Variants in THOC1 observed in about 807,000 individuals in gnomAD.
The protein encoded by THOC1 is THO complex 1.
In THOC1, 29 loss-of-function variants were observed where a neutral mutation model predicts 97.3. The observed-to-expected ratio is 0.30, with a 90% CI of 0.22 to 0.41. The LOEUF (loss-of-function observed/expected upper bound fraction) is 0.41, where lower values mean the gene tolerates loss of function less well. THOC1 is among the 10% of genes least tolerant of loss of function. The pLI is 1.00. For synonymous variants in THOC1, 255 were observed against 257.0 expected, an observed-to-expected ratio of 0.99 and a Z score of 0.07; for missense variants, 529 against 761.9, an observed-to-expected ratio of 0.69 and a Z score of 3.60.
At chr18:224,274 T>TC in intron 15 of THOC1, 95 bp from the exon 16 acceptor site, 2 of 1,029,194 alleles carry the variant, frequency 1.9e-6, no homozygotes, top group South Asian at 2.9e-5. Flanking sequence ...GTTATTGTTT[T>TC]CCTCTTAAAA....
At chr18:227,413 A>G (rs1250914706) in intron 11 of THOC1, among the ~76,000 whole-genome samples, 3 of 152,184 alleles carry the variant, frequency 2.0e-5, no homozygotes, top group African/African-American at 7.2e-5. Context: ...CACAATATCA[A>G]CGGGGACCAC....
chr18:258,931 TTTCAGTGTGA>T (rs1289004872), intron 7 of THOC1, among the ~76,000 whole-genome samples: 5 of 152,124 alleles, frequency 3.3e-5, no homozygotes, highest in Non-Finnish European at 7.4e-5. Flanking sequence ...TATCTACATG[TTTCAGTGTGA>T]TTCAACTTTA....
Position 265,328 on chromosome 18 carries a change from A to T in THOC1, c.164T>A (p.Phe55Tyr). ...NEKKCTLDQA[F>Y]RGILEEEIIN... ...AATTTCTTCTTCTAGAATACCTCTG[A>T]AAGCTTGGTCAAGGGTACATTTTTT... The change falls in exon 3 of 21, where the codon TTC (phenylalanine) becomes TAC (tyrosine). Residue 55 changes from phenylalanine to tyrosine, a missense_variant. Coordinates refer to ENST00000261600, the MANE Select transcript of THOC1 (RefSeq NM_005131.3). 6.2e-7 allele frequency: 1 copy of T among 1,602,610 alleles called. No individual in the cohort carries two copies. The highest frequency in any genetic ancestry group is 8.5e-7 in the Non-Finnish European group (1 of 1,176,620).
chr18:224,164 T>C lies in THOC1; in HGVS notation c.1224A>G (p.Lys408=), dbSNP rs543871319. ...TTCTCTTCCGAATTATTCTCGTAGGTTTGGTATCTGATGTTCTGTCGTGAA... is the reference window on the plus strand; with the variant it reads ...TTCTCTTCCGAATTATTCTCGTAGGCTTGGTATCTGATGTTCTGTCGTGAA... ...SFVKERTSDT[K]PTRIIRKRTA... is the part of the protein sequence containing the mutation. Residue 408 remains lysine, a synonymous_variant, in exon 16 of 21, where the codon AAA becomes AAG. Transcript: ENST00000261600. 6 of 1,609,456 alleles carry C rather than the reference T, an allele frequency of 3.7e-6. No homozygotes were observed. In the South Asian group the frequency reaches 5.6e-5, roughly 15 times the overall value.
rs920451430 is a variant in THOC1 at position 219,004 on chromosome 18, T to C, written c.1371-35A>G. On this transcript the variant is annotated intron_variant, in intron 17 of 20. Coordinates refer to ENST00000261600, the MANE Select transcript of THOC1 (RefSeq NM_005131.3). ...ACAAAAATAACCAGTGAGGATGGCA[T>C]ATATTCTTAATAATAAATACTCATG... 29 of 1,285,852 alleles carry C rather than the reference T, an allele frequency of 2.3e-5. No individual in the cohort carries two copies. The East Asian group carries it at 6.5e-4, about 29-fold the overall frequency. 79.7% of individuals were successfully genotyped at this position (1,285,852 alleles called of 1,614,324 possible). A position where few individuals can be genotyped will look rare whatever the true frequency, so the allele number is the denominator to read the frequency against.
At chr18:234,320 G>GAAC (rs1191980467) in intron 11 of THOC1, among the ~76,000 whole-genome samples, 2 of 152,042 alleles carry the variant, frequency 1.3e-5, no homozygotes, top group Non-Finnish European at 2.9e-5. Context: ...GTACGGTGTT[G>GAAC]AACAGAAATA....
chr18:244,056 C>CT (rs1912003621), intron 11 of THOC1, among the ~76,000 whole-genome samples: 1 of 152,020 alleles, frequency 6.6e-6, no homozygotes, highest in Admixed American at 6.6e-5. Context: ...GGTGGTTACC[C>CT]TTTTAATATA....
chr18:227,982 T>C (rs1216785276), intron 11 of THOC1, among the ~76,000 whole-genome samples: 1 of 151,840 alleles, frequency 6.6e-6, no homozygotes, highest in African/African-American at 2.4e-5. Flanking sequence ...TCCAGTCAGG[T>C]TTCCCTCACG....
At chr18:259,893 TATTTTCAGATATAAGAAAACATGATACTA>T (rs1912549498) in intron 5 of THOC1, 163 bp from the exon 6 acceptor site, 1 of 545,676 alleles carries the variant, frequency 1.8e-6, no homozygotes, top group Admixed American at 4.1e-5. Flanking sequence ...GAAATAAAAA[TATTTTCAGATATAAGAAAACATGATACTA>T]AGTAACTGTT....
At chr18:248,710 C>T (rs532717264) in intron 9 of THOC1, among the ~76,000 whole-genome samples, 2 of 152,022 alleles carry the variant, frequency 1.3e-5, no homozygotes, top group Non-Finnish European at 2.9e-5. Context: ...AACTTCTAAT[C>T]TTGATATGTC....
At position 254,281 on chromosome 18, in the gene THOC1, C is replaced by T. The variant is rs1257357000; in HGVS notation, c.595G>A (p.Gly199Ser). The change falls in exon 8 of 21, where the codon GGT becomes AGT. Residue 199 changes from glycine (G) to serine (S), a missense_variant. Gly to Ser is a moderately conservative substitution (Grantham distance 56, BLOSUM62 0). Transcript: ENST00000261600. The surrounding 1 kb of genome is among the most constrained non-coding windows in gnomAD (Gnocchi z 4.1). ...FNTNEQESTL[G>S]QKHTEDREEG... ...TTTCAAATCAGCCTCACCTTCTGACCCAGGGTGCTTTCCTGCTCATTTGTA... is the reference window on the plus strand; with the variant it reads ...TTTCAAATCAGCCTCACCTTCTGACTCAGGGTGCTTTCCTGCTCATTTGTA... 6.3e-7 allele frequency: 1 copy of T among 1,579,432 alleles called. No individual in the cohort carries two copies. The highest frequency in any genetic ancestry group is 2.3e-5 in the East Asian group (1 of 43,784).
intron 20 of THOC1, 21 bp downstream of exon 20, chr18:215,408 C>T (rs1336026784): frequency 6.3e-7 from 1 of 1,599,000 alleles, no homozygotes; most frequent in African/African-American, 1.3e-5. Context: ...TGTTAAATAA[C>T]CAAGAAAATT....
Position 242,253 on chromosome 18 carries a change from G to A in THOC1, c.918+4071C>T, listed in dbSNP as rs541992673. ...GCACTTTGGAAGGCTGAGGCAGGCA[G>A]ATCACCTGAGGCTGCGAGTTCGAGA... On this transcript the variant is annotated intron_variant, in intron 11 of 20. Transcript: ENST00000261600. This position sits in a 1 kb window ranked among gnomAD's most constrained non-coding sequence, Gnocchi z 4.5. Among the ~76,000 whole-genome samples the A allele has an allele frequency of 1.1e-4, 17 of 151,706 alleles. No individual in the cohort carries two copies. Among genetic ancestry groups the A allele is most frequent in the Middle Eastern group, 3.4e-3 (1 of 294 alleles).
chr18:214,630 C>CTAT lies in THOC1; in HGVS notation c.1967_1969dup (p.Asn656dup). On this transcript the variant is annotated inframe_insertion, in exon 21 of 21. Transcript: ENST00000261600. ...TAAAAAGAAAAAAAAAAGAAGCTAACTATTTGTCTCATTGTCATTAGTTAG... is the reference window on the plus strand; with the variant it reads ...TAAAAAGAAAAAAAAAAGAAGCTAACTATTATTTGTCTCATTGTCATTAGTTAG... 1.2e-6 allele frequency: 2 copies of CTAT among 1,601,298 alleles called. No individual in the cohort carries two copies. Among genetic ancestry groups the CTAT allele is most frequent in the South Asian group, 2.3e-5 (2 of 88,004 alleles).
rs78669598 is a variant in THOC1 at position 221,989 on chromosome 18, T to G, written c.1370+1451A>C. Among the ~76,000 whole-genome samples the G allele has an allele frequency of 2.5e-3, 375 of 152,328 alleles. 7 individuals carry two copies. In the East Asian group the frequency reaches 0.046, roughly 19 times the overall value. ...CATTTATATTTGAATTTAACCATAC[T>G]GTTTTGTACTTTCTGTTGTGTTTTC... is the stretch of plus-strand genomic sequence containing the variant. On this transcript the variant is annotated intron_variant, in intron 17 of 20. Coordinates refer to ENST00000261600, the MANE Select transcript of THOC1 (RefSeq NM_005131.3).
intron 19 of THOC1, among the ~76,000 whole-genome samples, chr18:216,023 G>A (rs142313452): frequency 0.01 from 1,547 of 152,066 alleles, 27 homozygotes; most frequent in African/African-American, 0.035. Context: ...GCGAGATCTC[G>A]GCTCACTGCA....
intron 11 of THOC1, among the ~76,000 whole-genome samples, chr18:232,029 C>A (rs542308674): frequency 6.6e-6 from 1 of 152,340 alleles, no homozygotes; most frequent in East Asian, 1.9e-4. Flanking sequence ...TCTGCTGTTA[C>A]AGAGCAAAAG....
At chr18:224,035 A>G (rs951364842) in intron 16 of THOC1, 49 bp downstream of exon 16, 7 of 1,300,062 alleles carry the variant, frequency 5.4e-6, no homozygotes, top group East Asian at 5.0e-5. Context: ...AACATCTTCA[A>G]AATATAAAAA....
chr18:254,382 A>G lies in THOC1; in HGVS notation c.521-27T>C, dbSNP rs777066065. The G allele has an allele frequency of 7.6e-6, 11 of 1,442,898 alleles. No individual in the cohort carries two copies. The highest frequency in any genetic ancestry group is 9.5e-6 in the Non-Finnish European group (10 of 1,051,204). 89.4% of individuals were successfully genotyped at this position (1,442,898 alleles called of 1,614,324 possible). On this transcript the variant is annotated intron_variant, in intron 7 of 20. Transcript: ENST00000261600. The surrounding 1 kb of genome is among the most constrained non-coding windows in gnomAD (Gnocchi z 4.1). ...TAGTAAAAAAACAAAAAAAAGATGC[A>G]AAGCAAGTCCAGTGACACCTAAACT...
Sources: gnomAD v4.1 joint callset for allele counts (sites outside exome capture counted in the v4.1 genomes callset) on GRCh38, gnomAD v4.1.1 for gene constraint, Gnocchi (gnomAD v3.1) non-coding constraint, MANE v1.5 for transcripts, NCBI Gene and HGNC (gene_info 2026-07-23, HGNC 2026-07-21) for gene names.